ETV6: variants seen among roughly 807,000 people sequenced by gnomAD.
ETV6 encodes ETS variant transcription factor 6, also known as transcription factor ETV6.
ETV6 carries 16 observed loss-of-function variants against 51.1 expected under a neutral mutation model. That is an observed-to-expected ratio of 0.31 (90% CI 0.21 to 0.48). ETV6 has a LOEUF of 0.48. ETV6 is among the 20% of genes least tolerant of loss of function. The probability of loss-of-function intolerance (pLI) is 0.99; values close to 1 mark genes in which losing one functional copy is unlikely to be tolerated. For synonymous variants in ETV6, 240 were observed against 224.1 expected (o/e 1.07, Z -0.64); for missense variants, 458 against 594.8 (o/e 0.77, Z 2.39).
At chr12:11,821,138 G>A (rs961897282) in intron 2 of ETV6, among the ~76,000 whole-genome samples, 2 of 151,870 alleles carry the variant, frequency 1.3e-5, no homozygotes, top group African/African-American at 2.4e-5. Context: ...TGAGGTGGGC[G>A]GATCACAAAG....
intron 3 of ETV6, among the ~76,000 whole-genome samples, chr12:11,850,827 C>T (rs980156489): frequency 2.0e-5 from 3 of 152,186 alleles, no homozygotes; most frequent in African/African-American, 7.2e-5. Flanking sequence ...CTCATGAAAA[C>T]ACAGAAGGAA....
intron 2 of ETV6, among the ~76,000 whole-genome samples, chr12:11,784,803 C>A (rs1945460289): frequency 6.6e-6 from 1 of 151,610 alleles, no homozygotes; most frequent in African/African-American, 2.4e-5. Context: ...GGCTCATGAT[C>A]CTTCCGCCGC....
At chr12:11,861,003 C>G (rs1328153463) in intron 4 of ETV6, among the ~76,000 whole-genome samples, 4 of 152,204 alleles carry the variant, frequency 2.6e-5, no homozygotes, top group Admixed American at 6.5e-5. Flanking sequence ...CTTCATTACT[C>G]TCAGAACACG....
chr12:11,860,845 C>T (rs374692772), intron 4 of ETV6, among the ~76,000 whole-genome samples: 2 of 152,138 alleles, frequency 1.3e-5, no homozygotes, highest in East Asian at 1.9e-4. Flanking sequence ...TTCTCAATAT[C>T]GCAACTACAT....
intron 3 of ETV6, among the ~76,000 whole-genome samples, chr12:11,843,527 A>G (rs1264060104): frequency 6.6e-6 from 1 of 152,162 alleles, no homozygotes; most frequent in African/African-American, 2.4e-5. Flanking sequence ...GTTCAGCCCA[A>G]CTTCAACACT....
At chr12:11,768,134 T>A (rs987113449) in intron 2 of ETV6, among the ~76,000 whole-genome samples, 98 of 152,324 alleles carry the variant, frequency 6.4e-4, no homozygotes, top group Admixed American at 1.5e-3. Context: ...ATTCTTTTTT[T>A]TTTTAATGTG....
chr12:11,783,948 C>T (rs1945445851), intron 2 of ETV6, among the ~76,000 whole-genome samples: 1 of 152,074 alleles, frequency 6.6e-6, no homozygotes, highest in Non-Finnish European at 1.5e-5. Context: ...GCTGGGGTCC[C>T]CCCACCGCGT....
rs186881078 is a variant in ETV6, at chr12:11,892,780, T to C, written c.*1734T>C. 218 of 232,880 alleles carry C rather than the reference T, an allele frequency of 9.4e-4. 1 individual carries two copies. Among genetic ancestry groups the C allele is most frequent in the Middle Eastern group, 2.5e-3 (2 of 788 alleles). The allele number at this position is 232,880 out of a possible 1,614,324, so 14.4% of individuals were successfully genotyped here. On this transcript the variant is annotated 3_prime_UTR_variant, in exon 8 of 8. Coordinates refer to ENST00000396373, the MANE Select transcript of ETV6 (RefSeq NM_001987.5). Reference sequence around the variant, plus strand: ...CTGAGTTGAGTCAGACATGTAGAGTTTGGGTCACACAGGCAAGAGGAATTT... The same window carrying C: ...CTGAGTTGAGTCAGACATGTAGAGTCTGGGTCACACAGGCAAGAGGAATTT...
At chr12:11,867,111 G>C (rs757943444) in intron 4 of ETV6, among the ~76,000 whole-genome samples, 1 of 152,126 alleles carries the variant, frequency 6.6e-6, no homozygotes, top group Non-Finnish European at 1.5e-5. Context: ...ATCCTCTCCG[G>C]TTTTTGTCTG....
intron 1 of ETV6, among the ~76,000 whole-genome samples, chr12:11,701,043 T>C (rs892577569): frequency 6.6e-6 from 1 of 152,114 alleles, no homozygotes; most frequent in Admixed American, 6.5e-5. Flanking sequence ...TCAAAGCCAC[T>C]GTATCACTGT....
intron 2 of ETV6, among the ~76,000 whole-genome samples, chr12:11,832,146 A>G (rs2136453985): frequency 6.6e-6 from 1 of 152,382 alleles, no homozygotes; most frequent in South Asian, 2.1e-4. Context: ...AGAAAACAAT[A>G]AATGTGGGCA....
chr12:11,842,738 G>A (rs535702608), intron 3 of ETV6, among the ~76,000 whole-genome samples: 12 of 152,364 alleles, frequency 7.9e-5, no homozygotes, highest in Non-Finnish European at 1.2e-4. Flanking sequence ...CCAGTGCGTA[G>A]GGTAGATTCA....
intron 2 of ETV6, 49 bp from the exon 3 acceptor site, chr12:11,839,091 C>A: frequency 6.4e-7 from 1 of 1,574,698 alleles, no homozygotes; most frequent in Non-Finnish European, 8.6e-7. Flanking sequence ...AGCTGTCTAA[C>A]TGACAAGACC....
intron 1 of ETV6, among the ~76,000 whole-genome samples, chr12:11,716,126 C>T (rs138081487): frequency 0.053 from 8,024 of 151,780 alleles, 667 homozygotes; most frequent in African/African-American, 0.18. Context: ...TTTGGGAGGC[C>T]GAGGCGGGTG....
chr12:11,850,112 T>G (rs1591718634), intron 3 of ETV6, among the ~76,000 whole-genome samples: 1 of 152,134 alleles, frequency 6.6e-6, no homozygotes, highest in East Asian at 1.9e-4. Flanking sequence ...TGGATAGCAT[T>G]TAAGATAACT....
At chr12:11,886,757 A>G (rs958377006) in intron 7 of ETV6, among the ~76,000 whole-genome samples, 14 of 152,182 alleles carry the variant, frequency 9.2e-5, no homozygotes, top group Non-Finnish European at 2.1e-4. Flanking sequence ...GAGAGGAGAA[A>G]GAACTGGAAG....
At chr12:11,732,487 T>C (rs1865618822) in intron 1 of ETV6, among the ~76,000 whole-genome samples, 1 of 152,176 alleles carries the variant, frequency 6.6e-6, no homozygotes, top group Non-Finnish European at 1.5e-5. Context: ...ATGGGATGCA[T>C]CTCCTTTAGT....
intron 5 of ETV6, among the ~76,000 whole-genome samples, chr12:11,883,572 G>A (rs530414035): frequency 6.2e-4 from 95 of 152,114 alleles, no homozygotes; most frequent in African/African-American, 2.2e-3. Context: ...TGGGATTACA[G>A]GCGTGAGCCA....
chr12:11,867,835 G>A (rs1946812543), intron 4 of ETV6, among the ~76,000 whole-genome samples: 1 of 152,220 alleles, frequency 6.6e-6, no homozygotes, highest in Non-Finnish European at 1.5e-5. Context: ...TGTGGCCAGA[G>A]AGAGTTCATT....
Sources: gnomAD v4.1 joint callset for allele counts (sites outside exome capture counted in the v4.1 genomes callset) on GRCh38, gnomAD v4.1.1 for gene constraint, MANE v1.5 for transcripts, NCBI Gene and HGNC (gene_info 2026-07-23, HGNC 2026-07-21) for gene names.